The following SBF2 variants were observed in gnomAD, a reference collection of about 807,000 sequenced individuals.
The protein encoded by SBF2 is SET binding factor 2.
In SBF2, 112 loss-of-function variants were observed where a neutral mutation model predicts 225.2. That is an observed-to-expected ratio of 0.50 (90% CI 0.43 to 0.58). SBF2 has a LOEUF of 0.58. SBF2 is among the 20% of genes least tolerant of loss of function. The probability of loss-of-function intolerance (pLI) is 0.00; values close to 1 mark genes in which losing one functional copy is unlikely to be tolerated. For synonymous variants in SBF2, 763 were observed against 773.3 expected (o/e 0.99, Z 0.22); for missense variants, 1,996 against 2,206.2 (o/e 0.90, Z 1.91).
At chr11:10,237,670 T>C (rs1457425813) in intron 1 of SBF2, among the ~76,000 whole-genome samples, 1 of 152,220 alleles carries the variant, frequency 6.6e-6, no homozygotes, top group Non-Finnish European at 1.5e-5. Context: ...TTGACGTGTA[T>C]ATACACTGGT....
Position 9,993,116 on chromosome 11 carries a change from G to T in SBF2, c.1054-13C>A, listed in dbSNP as rs1443502950. On this transcript the variant is annotated splice_polypyrimidine_tract_variant and intron_variant, in intron 10 of 39. Transcript: ENST00000256190. ...GCACCTCTTTATCCTAAAAATATAA[G>T]AAGAAATGTTAGGTAATTTAACTTT... 6.4e-7 allele frequency: 1 copy of T among 1,571,736 alleles called. No homozygotes were observed. The highest frequency in any genetic ancestry group is 8.7e-7 in the Non-Finnish European group (1 of 1,145,642).
chr11:9,833,976 G>T (rs1855577494), intron 26 of SBF2, among the ~76,000 whole-genome samples: 1 of 149,586 alleles, frequency 6.7e-6, no homozygotes, highest in Non-Finnish European at 1.5e-5. Context: ...CTCCATGTTG[G>T]TCAGGCTGTC....
intron 1 of SBF2, among the ~76,000 whole-genome samples, chr11:10,266,719 T>A (rs1393592148): frequency 6.6e-6 from 1 of 152,212 alleles, no homozygotes; most frequent in Non-Finnish European, 1.5e-5. Flanking sequence ...GAAGCTCCAA[T>A]TTTAACATGA....
intron 1 of SBF2, among the ~76,000 whole-genome samples, chr11:10,229,603 T>C (rs1165494833): frequency 2.0e-5 from 3 of 152,204 alleles, no homozygotes; most frequent in Non-Finnish European, 4.4e-5. Context: ...GTTGTTCAGT[T>C]TCCATGTAGT....
chr11:10,046,655 T>C lies in SBF2; in HGVS notation c.142-3674A>G, dbSNP rs567681371. 2.6e-5 allele frequency among the ~76,000 whole-genome samples: 4 copies of C among 151,680 alleles called. No homozygotes were observed. In the South Asian group the frequency reaches 6.2e-4, roughly 24 times the overall value. ...ATCTTTTAAAAAAAAAAAACTCCTA[T>C]GGCTAGTACCATACTTAATGCTGAA... is the stretch of plus-strand genomic sequence containing the variant. On this transcript the variant is annotated intron_variant, in intron 2 of 39. Coordinates refer to ENST00000256190, the MANE Select transcript of SBF2 (RefSeq NM_030962.4).
intron 2 of SBF2, among the ~76,000 whole-genome samples, chr11:10,193,246 A>G (rs1957242455): frequency 6.6e-6 from 1 of 151,884 alleles, no homozygotes; most frequent in Non-Finnish European, 1.5e-5. Context: ...TTCAGGAAAA[A>G]AAAAATATAT....
At chr11:9,863,268 G>A (rs914619610) in intron 17 of SBF2, among the ~76,000 whole-genome samples, 3 of 152,204 alleles carry the variant, frequency 2.0e-5, no homozygotes, top group African/African-American at 7.2e-5. Flanking sequence ...AGATGGTTAA[G>A]GGAAAGGTTA....
intron 13 of SBF2, among the ~76,000 whole-genome samples, chr11:9,970,549 G>T (rs1867264363): frequency 1.3e-5 from 2 of 152,094 alleles, no homozygotes; most frequent in African/African-American, 2.4e-5. Flanking sequence ...ATATGGCCCA[G>T]ACCTAGATAA....
chr11:10,200,121 G>C (rs1266338024), intron 1 of SBF2, among the ~76,000 whole-genome samples: 2 of 152,104 alleles, frequency 1.3e-5, no homozygotes, highest in Non-Finnish European at 2.9e-5. Context: ...ATATACATAT[G>C]AAACAGGGTT....
chr11:10,180,271 T>C (rs570769462), intron 2 of SBF2, among the ~76,000 whole-genome samples: 2 of 152,298 alleles, frequency 1.3e-5, no homozygotes, highest in South Asian at 2.1e-4. Flanking sequence ...AGGTCTGGTG[T>C]TGATGAAATC....
intron 17 of SBF2, among the ~76,000 whole-genome samples, chr11:9,890,683 T>G (rs144926047): frequency 3.3e-5 from 5 of 152,186 alleles, no homozygotes; most frequent in African/African-American, 1.2e-4. Context: ...GGGAGTCATT[T>G]TGAGTATCAA....
At chr11:9,784,490 C>T (rs778626086) in intron 37 of SBF2, 52 bp from the exon 38 acceptor site, 2 of 1,337,660 alleles carry the variant, frequency 1.5e-6, no homozygotes, top group African/African-American at 1.4e-5. Flanking sequence ...TTACAAAATG[C>T]TGTAAAGGGG....
chr11:10,260,879 AAAAAG>A (rs1321261611), intron 1 of SBF2, among the ~76,000 whole-genome samples: 3 of 151,152 alleles, frequency 2.0e-5, no homozygotes, highest in Non-Finnish European at 3.0e-5. Flanking sequence ...CCCTGCCTCA[AAAAAG>A]AAAAGAAAGA....
intron 16 of SBF2, among the ~76,000 whole-genome samples, chr11:9,945,650 C>T (rs1353168693): frequency 6.6e-6 from 1 of 152,022 alleles, no homozygotes; most frequent in African/African-American, 2.4e-5. Context: ...AAAGAGTAAA[C>T]AGACAACCTA....
chr11:10,041,430 T>A (rs1323116685), intron 3 of SBF2, among the ~76,000 whole-genome samples: 1 of 152,136 alleles, frequency 6.6e-6, no homozygotes, highest in Non-Finnish European at 1.5e-5. Flanking sequence ...TGATAGTCTT[T>A]AAGTATTTAA....
rs1386270581 is a variant in SBF2, at chr11:9,895,978, C to T, written c.1894G>A (p.Ala632Thr). The T allele has an allele frequency of 2.3e-5, 37 of 1,612,960 alleles. No homozygotes were observed. Among genetic ancestry groups the T allele is most frequent in the East Asian group, 1.1e-4 (5 of 44,802 alleles). Residue 632 changes from alanine to threonine, a missense_variant, in exon 17 of 40, where the codon GCA becomes ACA. Coordinates refer to ENST00000256190, the MANE Select transcript of SBF2 (RefSeq NM_030962.4). ...GCACTGGTCAAAGGGAGTAATGCTG[C>T]GGCAATGTTGTATTCTTCTAAACTT... ...CSSLEEYNIA[A>T]ALLPLTSAFY...
At position 9,885,261 on chromosome 11, in the gene SBF2, A is replaced by AC. The variant is rs1194280524; in HGVS notation, c.1929+10681_1929+10682insG. ...GTGAAACTTTTCCTCCAAAAAAAAA[A>AC]AAAAAAAAAAAAAAACCCCACCCCC... On this transcript the variant is annotated intron_variant, in intron 17 of 39. Transcript: ENST00000256190. Among the ~76,000 whole-genome samples, 551 of 149,620 alleles carry AC rather than the reference A, an allele frequency of 3.7e-3. 7 individuals carry two copies. In the South Asian group the frequency reaches 0.039, roughly 11 times the overall value.
intron 2 of SBF2, among the ~76,000 whole-genome samples, chr11:10,155,707 A>T (rs545442475): frequency 6.6e-6 from 1 of 152,372 alleles, no homozygotes; most frequent in East Asian, 1.9e-4. Flanking sequence ...GTAACATTTT[A>T]AATGTCTTCA....
chr11:9,931,907 T>C (rs1864524738), intron 16 of SBF2, among the ~76,000 whole-genome samples: 1 of 152,152 alleles, frequency 6.6e-6, no homozygotes, highest in Admixed American at 6.5e-5. Context: ...AATGGCTAAC[T>C]AGAACAAACA....
Sources: allele counts gnomAD v4.1 joint callset (sites outside exome capture counted in the v4.1 genomes callset), GRCh38; gene constraint gnomAD v4.1.1; transcripts MANE v1.5; gene names NCBI Gene and HGNC (gene_info 2026-07-23, HGNC 2026-07-21).